Variants in MED13L observed in about 807,000 individuals in gnomAD.
MED13L encodes the protein mediator complex subunit 13L.
MED13L carries 7 observed loss-of-function variants against 220.9 expected under a neutral mutation model. That is an observed-to-expected ratio of 0.03 (90% CI 0.02 to 0.06). The LOEUF (loss-of-function observed/expected upper bound fraction) is 0.06. MED13L is among the 10% of genes least tolerant of loss of function. MED13L has a pLI of 1.00. For missense variants in MED13L, 1,965 were observed against 2,760.5 expected, an observed-to-expected ratio of 0.71 and a Z score of 6.46; for synonymous variants, 1,011 against 1,015.2, an observed-to-expected ratio of 1.00 and a Z score of 0.08.
intron 19 of MED13L, among the ~76,000 whole-genome samples, chr12:115,985,701 ATCTG>A (rs1877642793): frequency 6.6e-6 from 1 of 152,214 alleles, no homozygotes; most frequent in Non-Finnish European, 1.5e-5. Context: ...ATGTAAAATT[ATCTG>A]CCTGGTTTTT....
intron 4 of MED13L, among the ~76,000 whole-genome samples, chr12:116,083,312 G>A (rs749613601): frequency 6.8e-6 from 1 of 148,100 alleles, no homozygotes; most frequent in Admixed American, 6.8e-5. Context: ...GCTGAGGCAT[G>A]AGGATCACTT....
chr12:116,089,230 T>C (rs1207965917), intron 4 of MED13L, among the ~76,000 whole-genome samples: 6 of 152,234 alleles, frequency 3.9e-5, no homozygotes, highest in African/African-American at 1.2e-4. Context: ...AATTCTTTTC[T>C]ATAAAGATGG....
chr12:116,126,626 A>T (rs1317812898), intron 2 of MED13L, among the ~76,000 whole-genome samples: 1 of 152,212 alleles, frequency 6.6e-6, no homozygotes, highest in African/African-American at 2.4e-5. Context: ...AGAGGATAGA[A>T]TTTGCAAATT....
chr12:116,226,168 A>G (rs1166032526), intron 2 of MED13L, among the ~76,000 whole-genome samples: 1 of 151,480 alleles, frequency 6.6e-6, no homozygotes, highest in African/African-American at 2.4e-5. Flanking sequence ...ATTCAGTTAC[A>G]CTATCACAGC....
intron 2 of MED13L, among the ~76,000 whole-genome samples, chr12:116,119,437 C>T (rs1350094577): frequency 6.6e-6 from 1 of 152,002 alleles, no homozygotes; most frequent in Admixed American, 6.6e-5. Flanking sequence ...GTAAAAGTGC[C>T]AAATAGTTGG....
At chr12:116,020,035 A>C in intron 5 of MED13L, 63 bp from the exon 6 acceptor site, 1 of 1,407,990 alleles carries the variant, frequency 7.1e-7, no homozygotes. Context: ...TAAGTGCAAC[A>C]CTACATATGT....
At chr12:116,215,934 C>T (rs1480746691) in intron 2 of MED13L, among the ~76,000 whole-genome samples, 1 of 152,172 alleles carries the variant, frequency 6.6e-6, no homozygotes, top group Non-Finnish European at 1.5e-5. Flanking sequence ...TCAAGAGATC[C>T]ACTAATGGTC....
At chr12:116,228,594 A>C (rs1869239549) in intron 2 of MED13L, among the ~76,000 whole-genome samples, 1 of 152,148 alleles carries the variant, frequency 6.6e-6, no homozygotes, top group African/African-American at 2.4e-5. Context: ...CCCTAGTTTT[A>C]TTTTAGGGAA....
At chr12:116,150,179 GC>G (rs1047246936) in intron 2 of MED13L, among the ~76,000 whole-genome samples, 3 of 152,154 alleles carry the variant, frequency 2.0e-5, no homozygotes, top group African/African-American at 7.2e-5. Flanking sequence ...TACCAGCATG[GC>G]CCTAAGCCAA....
chr12:116,216,462 T>G (rs1883003106), intron 2 of MED13L, among the ~76,000 whole-genome samples: 1 of 152,196 alleles, frequency 6.6e-6, no homozygotes, highest in Non-Finnish European at 1.5e-5. Flanking sequence ...TTTCTTATAG[T>G]CATCACTCCT....
At chr12:116,237,285 C>T (rs1290870072) in intron 2 of MED13L, among the ~76,000 whole-genome samples, 183 bp downstream of exon 2, 2 of 151,612 alleles carry the variant, frequency 1.3e-5, no homozygotes, top group Non-Finnish European at 2.9e-5. Flanking sequence ...TGGAAAAGGA[C>T]AAGAGTTAGG....
In MED13L at chr12:116,057,635, T is replaced by C. The variant is rs559657889; in HGVS notation, c.480-35034A>G. On this transcript the variant is annotated intron_variant, in intron 4 of 30. Coordinates refer to ENST00000281928, the MANE Select transcript of MED13L (RefSeq NM_015335.5). ...TTAATCTACCCCAAACTTAGACTAA[T>C]GGTCATTATTATGGTCTCTGAAACA... is the stretch of plus-strand genomic sequence containing the variant. 6.6e-5 allele frequency among the ~76,000 whole-genome samples: 10 copies of C among 151,388 alleles called. No homozygotes were observed. In the South Asian group the frequency reaches 2.1e-3, roughly 32 times the overall value.
intron 27 of MED13L, among the ~76,000 whole-genome samples, chr12:115,970,154 C>T (rs1289494133): frequency 1.3e-5 from 2 of 152,088 alleles, no homozygotes; most frequent in Non-Finnish European, 2.9e-5. Context: ...AATACCTTAA[C>T]AGCTATTCAA....
At chr12:115,990,978 C>G in intron 17 of MED13L, 42 bp downstream of exon 17, 1 of 1,591,926 alleles carries the variant, frequency 6.3e-7, no homozygotes, top group Non-Finnish European at 8.6e-7. Context: ...ATGATCATAC[C>G]AAGATACTCC....
chr12:116,102,558 C>T (rs1006674999), intron 3 of MED13L, among the ~76,000 whole-genome samples: 1 of 151,648 alleles, frequency 6.6e-6, no homozygotes, highest in Admixed American at 6.6e-5. Flanking sequence ...CTCACCATTC[C>T]AATCCAAATC....
At chr12:116,189,314 T>C (rs1038780568) in intron 2 of MED13L, among the ~76,000 whole-genome samples, 7 of 152,130 alleles carry the variant, frequency 4.6e-5, no homozygotes, top group Admixed American at 6.5e-5. Context: ...TACATATCTC[T>C]TCGTATCTTT....
At chr12:116,046,954 C>CA (rs1236241197) in intron 4 of MED13L, among the ~76,000 whole-genome samples, 2 of 152,104 alleles carry the variant, frequency 1.3e-5, no homozygotes, top group African/African-American at 2.4e-5. Context: ...GCCTGGGCGA[C>CA]AGAGTGAGAC....
At chr12:116,261,842 C>T (rs756226563) in intron 1 of MED13L, among the ~76,000 whole-genome samples, 1 of 152,168 alleles carries the variant, frequency 6.6e-6, no homozygotes, top group Non-Finnish European at 1.5e-5. Flanking sequence ...AAATATTACA[C>T]GATCTATTTC....
chr12:116,042,841 A>G (rs1881616427), intron 4 of MED13L, among the ~76,000 whole-genome samples: 1 of 152,198 alleles, frequency 6.6e-6, no homozygotes, highest in South Asian at 2.1e-4. Context: ...TATTGTTTGA[A>G]TAGAAATAAT....
Sources: allele counts gnomAD v4.1 joint callset (sites outside exome capture counted in the v4.1 genomes callset), GRCh38; gene constraint gnomAD v4.1.1; transcripts MANE v1.5; gene names NCBI Gene and HGNC (gene_info 2026-07-23, HGNC 2026-07-21).